DIP2C: variants seen among roughly 807,000 people sequenced by gnomAD.
DIP2C encodes the protein DIP2 acetate--CoA ligase C (putative), also known as disco-interacting protein 2 homolog C.
DIP2C carries 33 observed loss-of-function variants against 192.4 expected under a neutral mutation model. The ratio of observed to expected loss-of-function variants is 0.17; its 90% CI spans 0.13 to 0.23. The LOEUF is 0.23. DIP2C is among the 10% of genes least tolerant of loss of function. The probability of loss-of-function intolerance (pLI) is 1.00; values close to 1 mark genes in which losing one functional copy is unlikely to be tolerated. For missense variants in DIP2C, 1,537 were observed against 2,110.1 expected (o/e 0.73, Z 5.32); for synonymous variants, 979 against 864.1 (o/e 1.13, Z -2.33).
intron 5 of DIP2C, among the ~76,000 whole-genome samples, chr10:421,902 C>T (rs532700620): frequency 2.0e-5 from 3 of 152,188 alleles, no homozygotes; most frequent in African/African-American, 7.2e-5. Flanking sequence ...CAGTGAGCGA[C>T]CAAGGGGCTG....
chr10:444,415 T>TC (rs1967990635), intron 3 of DIP2C, among the ~76,000 whole-genome samples: 1 of 150,314 alleles, frequency 6.7e-6, no homozygotes, highest in Admixed American at 6.6e-5. Context: ...TCCTTGGCGC[T>TC]CTTCCATCAT....
intron 1 of DIP2C, among the ~76,000 whole-genome samples, chr10:647,291 T>C (rs1322851239): frequency 1.3e-5 from 2 of 149,518 alleles, no homozygotes; most frequent in Non-Finnish European, 3.0e-5. Context: ...AGAGGGAAAC[T>C]GAGTCCACGT....
intron 1 of DIP2C, among the ~76,000 whole-genome samples, chr10:617,174 GCC>G (rs1853525182): frequency 1.7e-5 from 1 of 58,394 alleles, no homozygotes; most frequent in African/African-American, 5.6e-5. Context: ...CCTGCCCCCC[GCC>G]CCTACTGTGT....
intron 1 of DIP2C, among the ~76,000 whole-genome samples, chr10:642,009 C>T (rs1207389693): frequency 1.3e-5 from 2 of 151,956 alleles, no homozygotes; most frequent in South Asian, 2.1e-4. Flanking sequence ...GGCAACAGGG[C>T]GAGACCCTGT....
chr10:613,517 T>C (rs1285923947), intron 1 of DIP2C, among the ~76,000 whole-genome samples: 6 of 152,224 alleles, frequency 3.9e-5, no homozygotes, highest in African/African-American at 1.4e-4. Context: ...TGGCAAGGCT[T>C]GACCAGGCAA....
At chr10:621,971 C>CA (rs1588623356) in intron 1 of DIP2C, among the ~76,000 whole-genome samples, 1 of 151,540 alleles carries the variant, frequency 6.6e-6, no homozygotes, top group East Asian at 2.0e-4. Flanking sequence ...CCTGTTTTTT[C>CA]TTTTTTTTAA....
At chr10:683,439 G>GCA (rs1454765956) in intron 1 of DIP2C, among the ~76,000 whole-genome samples, 46 of 152,262 alleles carry the variant, frequency 3.0e-4, no homozygotes, top group African/African-American at 8.9e-4. Context: ...ACCCTGCATG[G>GCA]CACACACACA....
intron 1 of DIP2C, chr10:667,802 A>T (rs1857192584): frequency 6.6e-6 from 1 of 152,270 alleles, no homozygotes; most frequent in South Asian, 2.1e-4. Context: ...ACAAAACAAC[A>T]TACACAACTC....
intron 26 of DIP2C, among the ~76,000 whole-genome samples, chr10:345,486 C>A (rs1262554251): frequency 1.4e-5 from 2 of 144,446 alleles, no homozygotes; most frequent in Non-Finnish European, 3.0e-5. Flanking sequence ...CCAGGCACAT[C>A]GCGCACAGTT....
chr10:606,776 A>G (rs957118176), intron 1 of DIP2C, among the ~76,000 whole-genome samples: 5 of 152,116 alleles, frequency 3.3e-5, no homozygotes, highest in African/African-American at 7.2e-5. Context: ...TAACCTCAAA[A>G]CAAGACCCAA....
intron 22 of DIP2C, among the ~76,000 whole-genome samples, chr10:361,636 G>C (rs934488435): frequency 7.9e-5 from 12 of 152,302 alleles, no homozygotes; most frequent in South Asian, 4.1e-4. Flanking sequence ...AGAGGATCAG[G>C]TCACTTCGGA....
chr10:299,192 C>T lies in DIP2C; in HGVS notation c.3987-10771G>A, dbSNP rs1420023584. ...GAACCATTTGAGGATAAGTTAAATACATCAAGGTAAGTGTGGATTTCCTGA... is the reference window on the plus strand; with the variant it reads ...GAACCATTTGAGGATAAGTTAAATATATCAAGGTAAGTGTGGATTTCCTGA... On this transcript the variant is annotated intron_variant, in intron 32 of 36. Transcript: ENST00000280886. Among the ~76,000 whole-genome samples, 11 of 152,202 alleles carry T rather than the reference C, an allele frequency of 7.2e-5. No individual in the cohort carries two copies. In the East Asian group the frequency reaches 2.1e-3, roughly 29 times the overall value.
chr10:587,468 G>T (rs1409754433), intron 1 of DIP2C, among the ~76,000 whole-genome samples: 1 of 152,192 alleles, frequency 6.6e-6, no homozygotes, highest in Non-Finnish European at 1.5e-5. Flanking sequence ...TGAAATCCAG[G>T]TCATTTAATA....
chr10:464,022 G>T (rs111648280), intron 3 of DIP2C, among the ~76,000 whole-genome samples: 4 of 152,122 alleles, frequency 2.6e-5, no homozygotes, highest in Non-Finnish European at 5.9e-5. Flanking sequence ...TTAAACGTAA[G>T]ACGTAAAACC....
chr10:532,950 C>T (rs1847504367), intron 1 of DIP2C, among the ~76,000 whole-genome samples: 1 of 152,150 alleles, frequency 6.6e-6, no homozygotes, highest in African/African-American at 2.4e-5. Flanking sequence ...ACCACCACTC[C>T]TACTTAATTT....
chr10:607,733 A>T (rs933447135), intron 1 of DIP2C, among the ~76,000 whole-genome samples: 37 of 152,238 alleles, frequency 2.4e-4, no homozygotes, highest in Admixed American at 1.8e-3. Flanking sequence ...TGAGCCAGAG[A>T]CCATCTGTAT....
intron 1 of DIP2C, among the ~76,000 whole-genome samples, chr10:568,614 A>T (rs1849580185): frequency 6.6e-6 from 1 of 151,580 alleles, no homozygotes; most frequent in African/African-American, 2.4e-5. Flanking sequence ...AAAAATACAA[A>T]AATTAGCCAG....
intron 1 of DIP2C, among the ~76,000 whole-genome samples, chr10:635,371 C>T (rs1854769234): frequency 6.6e-6 from 1 of 152,244 alleles, no homozygotes; most frequent in Admixed American, 6.5e-5. Context: ...TAACAGTGGC[C>T]TCATCTGGAC....
chr10:329,740 A>G (rs1427547633), intron 29 of DIP2C, 139 bp from the exon 30 acceptor site: 1 of 1,103,802 alleles, frequency 9.1e-7, no homozygotes, highest in East Asian at 2.6e-5. Context: ...AGAAGGGCAC[A>G]GTAAAGCCAA....
Sources: allele counts gnomAD v4.1 joint callset (sites outside exome capture counted in the v4.1 genomes callset), GRCh38; gene constraint gnomAD v4.1.1; transcripts MANE v1.5; gene names NCBI Gene and HGNC (gene_info 2026-07-23, HGNC 2026-07-21).